Variants in DPP6 observed in about 807,000 individuals in gnomAD.
The protein encoded by DPP6 is A-type potassium channel modulatory protein DPP6.
A neutral mutation model predicts 122.6 loss-of-function variants in DPP6; 69 were observed. That is an observed-to-expected ratio of 0.56 (90% CI 0.46 to 0.69). The LOEUF is 0.69. DPP6 is among the 30% of genes least tolerant of loss of function. The pLI is 0.00. For missense variants in DPP6, 928 were observed against 1,116.9 expected, an observed-to-expected ratio of 0.83 and a Z score of 2.41; for synonymous variants, 418 against 433.1, an observed-to-expected ratio of 0.97 and a Z score of 0.43.
Position 154,486,377 on chromosome 7 carries a change from C to T in DPP6, c.457+11340C>T, listed in dbSNP as rs1015515882. Among the ~76,000 whole-genome samples, 4 of 152,116 alleles carry T rather than the reference C, an allele frequency of 2.6e-5. No individual in the cohort carries two copies. The highest frequency in any genetic ancestry group is 5.9e-5 in the Non-Finnish European group (4 of 68,034). On this transcript the variant is annotated intron_variant, in intron 3 of 25. Coordinates refer to ENST00000377770, the MANE Select transcript of DPP6 (RefSeq NM_130797.4). The surrounding 1 kb of genome is among the most constrained non-coding windows in gnomAD (Gnocchi z 4.5). ...TCGAACTACTGACCTCGTGATCTGCCTACCTCGACCACCTAAAGTGCTGGG... is the reference window on the plus strand; with the variant it reads ...TCGAACTACTGACCTCGTGATCTGCTTACCTCGACCACCTAAAGTGCTGGG...
rs1392898703 is a variant in DPP6 at position 154,863,003 on chromosome 7, A to G, written c.1715-4992A>G. 3.3e-5 allele frequency among the ~76,000 whole-genome samples: 5 copies of G among 152,070 alleles called. No individual in the cohort carries two copies. Among genetic ancestry groups the G allele is most frequent in the African/African-American group, 4.8e-5 (2 of 41,406 alleles). ...TTTTTTGACCTCCTGGGCTCAAGCAATCCTCCCACCTCAGCCCCACAAGTA... is the reference window on the plus strand; with the variant it reads ...TTTTTTGACCTCCTGGGCTCAAGCAGTCCTCCCACCTCAGCCCCACAAGTA... On this transcript the variant is annotated intron_variant, in intron 17 of 25. Coordinates refer to ENST00000377770, the MANE Select transcript of DPP6 (RefSeq NM_130797.4). This position sits in a 1 kb window ranked among gnomAD's most constrained non-coding sequence, Gnocchi z 4.1.
intron 8 of DPP6, among the ~76,000 whole-genome samples, chr7:154,764,978 T>A (rs1007381635): frequency 6.6e-6 from 1 of 152,094 alleles, no homozygotes; most frequent in Non-Finnish European, 1.5e-5. Flanking sequence ...TCCACCCCCA[T>A]AACCCAGACA....
intron 1 of DPP6, among the ~76,000 whole-genome samples, chr7:153,920,273 G>A (rs1800567576): frequency 6.6e-6 from 1 of 152,208 alleles, no homozygotes; most frequent in African/African-American, 2.4e-5. Flanking sequence ...TTCCCTTGAA[G>A]CAAAGTTCTT....
intron 1 of DPP6, among the ~76,000 whole-genome samples, chr7:154,206,464 G>A (rs943266225): frequency 3.3e-5 from 5 of 152,146 alleles, no homozygotes; most frequent in Admixed American, 2.0e-4. Flanking sequence ...CAGACATATT[G>A]CTCATCGGGG....
At chr7:154,720,049 G>A (rs192299373) in intron 7 of DPP6, among the ~76,000 whole-genome samples, 135 of 152,308 alleles carry the variant, frequency 8.9e-4, no homozygotes, top group Non-Finnish European at 1.6e-3. Context: ...TGAGGAGGGA[G>A]TACAGCATAA....
At chr7:154,667,633 G>A (rs1002225367) in intron 6 of DPP6, among the ~76,000 whole-genome samples, 1 of 152,156 alleles carries the variant, frequency 6.6e-6, no homozygotes, top group African/African-American at 2.4e-5. Context: ...TGAGGCAGGA[G>A]AATCACTTGA....
chr7:154,754,879 G>T (rs1432765186), intron 8 of DPP6, among the ~76,000 whole-genome samples: 1 of 152,198 alleles, frequency 6.6e-6, no homozygotes, highest in Non-Finnish European at 1.5e-5. Flanking sequence ...CACAGGAACA[G>T]AAAACCAAAC....
intron 1 of DPP6, among the ~76,000 whole-genome samples, chr7:154,381,806 T>A (rs905839913): frequency 4.6e-5 from 7 of 152,230 alleles, no homozygotes; most frequent in Admixed American, 3.3e-4. Context: ...TTTGCAATGG[T>A]GCAGGGCAAC....
At chr7:154,347,746 C>T (rs537589255) in intron 1 of DPP6, among the ~76,000 whole-genome samples, 1 of 152,298 alleles carries the variant, frequency 6.6e-6, no homozygotes, top group African/African-American at 2.4e-5. Context: ...ACTGTGATCC[C>T]ATTAGAGGAG....
At chr7:154,230,893 A>G (rs542332879) in intron 1 of DPP6, among the ~76,000 whole-genome samples, 2 of 152,366 alleles carry the variant, frequency 1.3e-5, no homozygotes, top group East Asian at 1.9e-4. Flanking sequence ...ATCAGTCCAA[A>G]CTATTCTACC....
chr7:154,620,520 T>C lies in DPP6; in HGVS notation c.628-17301T>C, dbSNP rs180850530. ...CACAAAATTTCACTACACGCAGAAT[T>C]GCCAATTAGGATGGGAGGCTCAGAA... On this transcript the variant is annotated intron_variant, in intron 5 of 25. Transcript: ENST00000377770. Among the ~76,000 whole-genome samples, 11 of 152,342 alleles carry C rather than the reference T, an allele frequency of 7.2e-5. No individual in the cohort carries two copies. In the East Asian group the frequency reaches 2.1e-3, roughly 29 times the overall value.
chr7:154,653,408 TGATA>T (rs1037811528), intron 6 of DPP6, among the ~76,000 whole-genome samples: 8 of 152,214 alleles, frequency 5.3e-5, no homozygotes, highest in South Asian at 2.1e-4. Context: ...GATAGATAAA[TGATA>T]GATAGATGAT....
intron 1 of DPP6, among the ~76,000 whole-genome samples, chr7:154,375,192 G>A (rs796611423): frequency 2.0e-5 from 3 of 152,032 alleles, no homozygotes; most frequent in Admixed American, 6.6e-5. Context: ...GGAGGCTGGC[G>A]TGAAATGGGG....
intron 4 of DPP6, among the ~76,000 whole-genome samples, chr7:154,560,530 G>T (rs1049632161): frequency 6.6e-6 from 1 of 152,118 alleles, no homozygotes; most frequent in Non-Finnish European, 1.5e-5. Context: ...TAAAAGGAAA[G>T]ATCCAATTAT....
At chr7:153,778,969 C>A in the DPP6 span, among the ~76,000 whole-genome samples, 1 of 147,642 alleles carries the variant, frequency 6.8e-6, no homozygotes, top group East Asian at 1.9e-4. Context: ...CAAATTGTTA[C>A]TTTCATGCAG....
chr7:154,481,116 A>G lies in DPP6; in HGVS notation c.457+6079A>G, dbSNP rs1823235552. The stretch of plus-strand genomic sequence containing the variant: ...GAGGCTCTACTCCGGCACCTCAGGT[A>G]CTAGCTCAGGTGCAAGGAGAAGGGG... On this transcript the variant is annotated intron_variant, in intron 3 of 25. Coordinates refer to ENST00000377770, the MANE Select transcript of DPP6 (RefSeq NM_130797.4). The surrounding 1 kb of genome is among the most constrained non-coding windows in gnomAD (Gnocchi z 4.2). Among the ~76,000 whole-genome samples the G allele has an allele frequency of 6.6e-6, 1 of 152,096 alleles. No individual in the cohort carries two copies. The highest frequency in any genetic ancestry group is 1.5e-5 in the Non-Finnish European group (1 of 68,016).
At chr7:153,807,450 A>C in the DPP6 span, among the ~76,000 whole-genome samples, 1 of 151,874 alleles carries the variant, frequency 6.6e-6, no homozygotes, top group African/African-American at 2.4e-5. Context: ...CAAAGACCAT[A>C]GAAGCATATG....
chr7:154,709,714 C>G (rs1841056176), intron 7 of DPP6, among the ~76,000 whole-genome samples: 1 of 151,718 alleles, frequency 6.6e-6, no homozygotes, highest in Non-Finnish European at 1.5e-5. Context: ...CAGCGGTTCA[C>G]TTTTCAAAAA....
At chr7:154,813,121 C>T (rs568738187) in intron 16 of DPP6, among the ~76,000 whole-genome samples, 2 of 150,924 alleles carry the variant, frequency 1.3e-5, no homozygotes, top group South Asian at 4.2e-4. Flanking sequence ...CGCTCTGTTG[C>T]CCAGGCTAGA....
Sources: gnomAD v4.1 joint callset for allele counts (sites outside exome capture counted in the v4.1 genomes callset) on GRCh38, gnomAD v4.1.1 for gene constraint, Gnocchi (gnomAD v3.1) non-coding constraint, MANE v1.5 for transcripts, NCBI Gene and HGNC (gene_info 2026-07-23, HGNC 2026-07-21) for gene names.